Variants in AHI1 observed in about 807,000 individuals in gnomAD.
AHI1 encodes the protein jouberin.
AHI1 carries 123 observed loss-of-function variants against 149.3 expected under a neutral mutation model. That is an observed-to-expected ratio of 0.82 (90% CI 0.71 to 0.96). The LOEUF is 0.96. AHI1 is among the 40% of genes least tolerant of loss of function. AHI1 has a pLI of 0.00. For synonymous variants in AHI1, 475 were observed against 459.8 expected (o/e 1.03, Z -0.42); for missense variants, 1,439 against 1,422.7 (o/e 1.01, Z -0.18).
At chr6:135,432,519 A>T (rs1784809917) in intron 16 of AHI1, among the ~76,000 whole-genome samples, 1 of 151,844 alleles carries the variant, frequency 6.6e-6, no homozygotes, top group Non-Finnish European at 1.5e-5. Context: ...CACCCGGCTA[A>T]TTTTTTGTAT....
intron 8 of AHI1, among the ~76,000 whole-genome samples, 183 bp from the exon 9 acceptor site, chr6:135,457,896 T>C (rs1789228706): frequency 6.6e-6 from 1 of 152,148 alleles, no homozygotes; most frequent in Non-Finnish European, 1.5e-5. Flanking sequence ...CATTTGCTAA[T>C]ACATTACAAA....
intron 20 of AHI1, among the ~76,000 whole-genome samples, chr6:135,418,587 T>C (rs963042476): frequency 6.6e-6 from 1 of 152,098 alleles, no homozygotes; most frequent in Non-Finnish European, 1.5e-5. Context: ...CCACTGCCCT[T>C]TGCATTTGAA....
chr6:135,471,946 A>G (rs1791775219), intron 5 of AHI1, among the ~76,000 whole-genome samples: 1 of 130,962 alleles, frequency 7.6e-6, no homozygotes, highest in South Asian at 2.7e-4. Flanking sequence ...TGGGAAGCGG[A>G]GCTTGCAGTG....
At chr6:135,364,307 A>G (rs1356258156) in intron 23 of AHI1, among the ~76,000 whole-genome samples, 5 of 151,324 alleles carry the variant, frequency 3.3e-5, no homozygotes, top group African/African-American at 1.2e-4. Context: ...GGCCGGGCAG[A>G]GACGCTCCTC....
Position 135,323,145 on chromosome 6 carries a change from G to C in AHI1, c.3328+17C>G, listed in dbSNP as rs756947602. The C allele has an allele frequency of 8.2e-6, 13 of 1,593,516 alleles. No homozygotes were observed. Among genetic ancestry groups the C allele is most frequent in the Middle Eastern group, 1.7e-4 (1 of 6,000 alleles). On this transcript the variant is annotated intron_variant, in intron 25 of 28. Transcript: ENST00000265602. ...TTATACCATACTAGTAAACCAGGAA[G>C]GGAGCATAAAACTTACTTTCACTAG...
At chr6:135,328,172 A>G (rs1787995131) in intron 24 of AHI1, among the ~76,000 whole-genome samples, 1 of 152,178 alleles carries the variant, frequency 6.6e-6, no homozygotes, top group Admixed American at 6.5e-5. Flanking sequence ...CTAGAATTGA[A>G]TTGGAGTACA....
rs563582297 is a variant in AHI1 at position 135,478,746 on chromosome 6, G to C, written c.136-11112C>G. Among the ~76,000 whole-genome samples the C allele has an allele frequency of 7.2e-5, 11 of 152,332 alleles. No individual in the cohort carries two copies. In the South Asian group the frequency reaches 2.1e-3, roughly 29 times the overall value. On this transcript the variant is annotated intron_variant, in intron 5 of 28. Transcript: ENST00000265602. Reference sequence around the variant, plus strand: ...AAATGTTAATAGCACAGACAATGGGGAAAATGCCTCCAATTCATTTCAGAG... The same window carrying C: ...AAATGTTAATAGCACAGACAATGGGCAAAATGCCTCCAATTCATTTCAGAG...
At chr6:135,486,627 T>C (rs1015490307) in intron 5 of AHI1, among the ~76,000 whole-genome samples, 2 of 152,158 alleles carry the variant, frequency 1.3e-5, no homozygotes, top group African/African-American at 4.8e-5. Context: ...CATTCATAAA[T>C]GAGACAGCTA....
At chr6:135,345,920 G>A (rs911428471) in intron 24 of AHI1, among the ~76,000 whole-genome samples, 8 of 152,172 alleles carry the variant, frequency 5.3e-5, no homozygotes, top group South Asian at 2.1e-4. Context: ...AAAAATACAC[G>A]TAAGGAGACC....
In AHI1 at chr6:135,361,572, C is replaced by T. The variant is rs568169633; in HGVS notation, c.3110-3385G>A. On this transcript the variant is annotated intron_variant, in intron 23 of 28. Coordinates refer to ENST00000265602, the MANE Select transcript of AHI1 (RefSeq NM_001134831.2). Reference sequence around the variant, plus strand: ...TCATTCTTACTATGATTTCCCTGAACGTAACACTTTTCCCCTCTGGCTGCT... The same window carrying T: ...TCATTCTTACTATGATTTCCCTGAATGTAACACTTTTCCCCTCTGGCTGCT... 1.7e-4 allele frequency among the ~76,000 whole-genome samples: 25 copies of T among 149,574 alleles called. No individual in the cohort carries two copies. The South Asian group carries it at 5.0e-3, about 30-fold the overall frequency.
At chr6:135,293,079 C>T (rs775391079) in intron 27 of AHI1, among the ~76,000 whole-genome samples, 2 of 151,972 alleles carry the variant, frequency 1.3e-5, no homozygotes, top group South Asian at 2.1e-4. Flanking sequence ...CCGAGGAACG[C>T]GAAGTTGGTT....
chr6:135,324,155 T>C (rs1024873009), intron 24 of AHI1, among the ~76,000 whole-genome samples: 3 of 152,022 alleles, frequency 2.0e-5, no homozygotes, highest in Admixed American at 6.6e-5. Flanking sequence ...CCTCCATCTC[T>C]ATATAAAAAA....
At chr6:135,343,671 A>G (rs1790721046) in intron 24 of AHI1, among the ~76,000 whole-genome samples, 1 of 151,582 alleles carries the variant, frequency 6.6e-6, no homozygotes, top group South Asian at 2.1e-4. Flanking sequence ...ACTAACAAAA[A>G]ACCCCCACTT....
chr6:135,320,478 A>T (rs1205621183), intron 25 of AHI1, among the ~76,000 whole-genome samples: 2 of 152,168 alleles, frequency 1.3e-5, no homozygotes, highest in Non-Finnish European at 2.9e-5. Context: ...TTTTGTGGAG[A>T]TGGAGTCTTG....
intron 22 of AHI1, among the ~76,000 whole-genome samples, chr6:135,400,681 T>C (rs1453735788): frequency 6.6e-6 from 1 of 152,256 alleles, no homozygotes; most frequent in African/African-American, 2.4e-5. Flanking sequence ...TCCTTTTCTT[T>C]TTATTCATAA....
chr6:135,361,965 A>G (rs566295991), intron 23 of AHI1, among the ~76,000 whole-genome samples: 4 of 152,142 alleles, frequency 2.6e-5, no homozygotes, highest in South Asian at 2.1e-4. Context: ...ACTGTACCCA[A>G]TGTGTACTCT....
intron 14 of AHI1, among the ~76,000 whole-genome samples, chr6:135,441,154 C>T (rs1786236061): frequency 6.6e-6 from 1 of 150,758 alleles, no homozygotes; most frequent in Non-Finnish European, 1.5e-5. Flanking sequence ...AAAAAAAAGT[C>T]CAACTAGAAA....
chr6:135,398,061 T>G (rs1200785774), intron 22 of AHI1, among the ~76,000 whole-genome samples: 2 of 56,996 alleles, frequency 3.5e-5, no homozygotes, highest in Non-Finnish European at 6.5e-5. Flanking sequence ...CCAGGATGTT[T>G]TTTTTTTTTT....
At chr6:135,402,799 G>C (rs1249166714) in intron 22 of AHI1, among the ~76,000 whole-genome samples, 1 of 152,018 alleles carries the variant, frequency 6.6e-6, no homozygotes, top group African/African-American at 2.4e-5. Flanking sequence ...CTTACTTTAA[G>C]AATATAGTAT....
Sources: gnomAD v4.1 joint callset for allele counts (sites outside exome capture counted in the v4.1 genomes callset) on GRCh38, gnomAD v4.1.1 for gene constraint, MANE v1.5 for transcripts, NCBI Gene and HGNC (gene_info 2026-07-23, HGNC 2026-07-21) for gene names.